Variants in NAALADL2 observed in about 807,000 individuals in gnomAD.
NAALADL2 encodes inactive N-acetylated-alpha-linked acidic dipeptidase-like protein 2.
A neutral mutation model predicts 87.2 loss-of-function variants in NAALADL2; 76 were observed. The ratio of observed to expected loss-of-function variants is 0.87; its 90% CI spans 0.72 to 1.05. The LOEUF is 1.05. Among genes scored for constraint, NAALADL2 ranks in the 50% least tolerant of loss-of-function variants. The probability of loss-of-function intolerance (pLI) is 0.00; values close to 1 mark genes in which losing one functional copy is unlikely to be tolerated. For missense variants in NAALADL2, 1,089 were observed against 945.8 expected (o/e 1.15, Z -1.99); for synonymous variants, 354 against 331.0 (o/e 1.07, Z -0.75).
chr3:174,816,248 C>A (rs985975936), intron 3 of NAALADL2, among the ~76,000 whole-genome samples: 2 of 151,554 alleles, frequency 1.3e-5, no homozygotes, highest in African/African-American at 4.8e-5. Context: ...CCTTCTCTCT[C>A]TTTTATTTCT....
intron 5 of NAALADL2, among the ~76,000 whole-genome samples, chr3:175,393,070 C>T (rs942733772): frequency 6.6e-6 from 1 of 151,540 alleles, no homozygotes; most frequent in Non-Finnish European, 1.5e-5. Flanking sequence ...GTCAGGAGAT[C>T]GAGACCATCC....
intron 2 of NAALADL2, among the ~76,000 whole-genome samples, chr3:175,193,118 T>C (rs954267162): frequency 4.6e-5 from 7 of 151,948 alleles, no homozygotes; most frequent in Admixed American, 3.3e-4. Flanking sequence ...ATCTACAAAA[T>C]GTCAGGGATA....
At chr3:175,520,068 GACATGTCTTAGTAACAGC>G (rs2149415577) in intron 9 of NAALADL2, among the ~76,000 whole-genome samples, 2 of 152,198 alleles carry the variant, frequency 1.3e-5, no homozygotes, top group South Asian at 4.1e-4. Context: ...AATTAAGGGA[GACATGTCTTAGTAACAGC>G]ACATGTGGAA....
chr3:174,455,251 A>G (rs1221983193), intron 1 of NAALADL2, among the ~76,000 whole-genome samples: 2 of 152,136 alleles, frequency 1.3e-5, no homozygotes, highest in African/African-American at 4.8e-5. Context: ...CTACCAAACA[A>G]ACAAAAATTC....
intron 3 of NAALADL2, among the ~76,000 whole-genome samples, chr3:174,777,617 G>C (rs1715368706): frequency 6.6e-6 from 1 of 152,070 alleles, no homozygotes; most frequent in Admixed American, 6.6e-5. Context: ...CATGAATAAT[G>C]CTACATATCT....
At chr3:174,943,868 T>G (rs888645823) in intron 1 of NAALADL2, among the ~76,000 whole-genome samples, 1 of 152,186 alleles carries the variant, frequency 6.6e-6, no homozygotes, top group African/African-American at 2.4e-5. Context: ...TCAGTTCCAC[T>G]GCAGAGGCAG....
At chr3:175,123,722 C>T (rs113484762) in intron 2 of NAALADL2, among the ~76,000 whole-genome samples, 32 of 151,950 alleles carry the variant, frequency 2.1e-4, no homozygotes, top group South Asian at 4.1e-4. Flanking sequence ...AGTCAACTTA[C>T]GTATTTCCTC....
At chr3:175,277,591 C>A (rs1041369845) in intron 4 of NAALADL2, among the ~76,000 whole-genome samples, 1 of 152,044 alleles carries the variant, frequency 6.6e-6, no homozygotes, top group Non-Finnish European at 1.5e-5. Context: ...CCAAATTTAT[C>A]TTTTCTTAAC....
chr3:174,599,443 A>G (rs1452511125), intron 2 of NAALADL2, among the ~76,000 whole-genome samples: 1 of 152,130 alleles, frequency 6.6e-6, no homozygotes, highest in Non-Finnish European at 1.5e-5. Context: ...TACAAAAGAC[A>G]TAAATATGGG....
chr3:174,881,984 A>C (rs1031073916), intron 1 of NAALADL2, among the ~76,000 whole-genome samples: 2 of 152,156 alleles, frequency 1.3e-5, no homozygotes, highest in African/African-American at 4.8e-5. Context: ...ATTTATCTAA[A>C]ATGCTTTTAC....
intron 11 of NAALADL2, among the ~76,000 whole-genome samples, chr3:175,692,244 CTTAA>C (rs1737147664): frequency 1.3e-5 from 2 of 151,934 alleles, no homozygotes; most frequent in African/African-American, 4.8e-5. Flanking sequence ...ATAAATCATG[CTTAA>C]TTAATTCATA....
chr3:175,780,809 G>A (rs1186287590), intron 13 of NAALADL2, among the ~76,000 whole-genome samples: 1 of 152,100 alleles, frequency 6.6e-6, no homozygotes, highest in Non-Finnish European at 1.5e-5. Flanking sequence ...TTTAAGAATA[G>A]GCATCATTAA....
At chr3:175,496,308 AT>A (rs1482259794) in intron 9 of NAALADL2, among the ~76,000 whole-genome samples, 1 of 151,950 alleles carries the variant, frequency 6.6e-6, no homozygotes, top group Non-Finnish European at 1.5e-5. Flanking sequence ...ATTGTTTGTG[AT>A]TTATCATGTC....
intron 5 of NAALADL2, among the ~76,000 whole-genome samples, chr3:175,446,488 C>A (rs113298963): frequency 6.6e-6 from 1 of 152,108 alleles, no homozygotes; most frequent in African/African-American, 2.4e-5. Flanking sequence ...GTGATCCTCC[C>A]GCCTTGGCCT....
chr3:174,953,223 A>G (rs187418308), intron 1 of NAALADL2, among the ~76,000 whole-genome samples: 171 of 150,974 alleles, frequency 1.1e-3, no homozygotes, highest in African/African-American at 4.0e-3. Flanking sequence ...CTGCTTTGCT[A>G]CATGGGCTCC....
At chr3:174,997,516 G>T (rs1218766964) in intron 1 of NAALADL2, among the ~76,000 whole-genome samples, 1 of 152,014 alleles carries the variant, frequency 6.6e-6, no homozygotes, top group African/African-American at 2.4e-5. Flanking sequence ...ATGCTAAATT[G>T]TGAAGAAGGT....
intron 11 of NAALADL2, chr3:175,718,236 T>TGTTAAA: frequency 1.3e-6 from 1 of 787,132 alleles, no homozygotes; most frequent in Non-Finnish European, 2.0e-6. Flanking sequence ...TTAGTTGCTG[T>TGTTAAA]AACACTGTCC....
At chr3:175,218,891 T>C (rs1580980174) in intron 2 of NAALADL2, among the ~76,000 whole-genome samples, 1 of 151,966 alleles carries the variant, frequency 6.6e-6, no homozygotes, top group African/African-American at 2.4e-5. Flanking sequence ...CTGCAACCTC[T>C]GCCTCCTGGG....
chr3:174,538,702 A>G (rs1166994229), intron 1 of NAALADL2, among the ~76,000 whole-genome samples: 1 of 152,106 alleles, frequency 6.6e-6, no homozygotes, highest in Non-Finnish European at 1.5e-5. Flanking sequence ...TCTGCATAAT[A>G]AAAACCTTGG....
Sources: gnomAD v4.1 joint callset for allele counts (sites outside exome capture counted in the v4.1 genomes callset) on GRCh38, gnomAD v4.1.1 for gene constraint, MANE v1.5 for transcripts, NCBI Gene and HGNC (gene_info 2026-07-23, HGNC 2026-07-21) for gene names.